Variants in DNAH5 observed in about 807,000 individuals in gnomAD.
The protein encoded by DNAH5 is dynein axonemal heavy chain 5.
A neutral mutation model predicts 518.2 loss-of-function variants in DNAH5; 372 were observed. That is an observed-to-expected ratio of 0.72 (90% CI 0.66 to 0.78). The LOEUF is 0.78. Among genes scored for constraint, DNAH5 ranks in the 30% least tolerant of loss-of-function variants. DNAH5 has a pLI of 0.00. For synonymous variants in DNAH5, 2,039 were observed against 2,025.9 expected (o/e 1.01, Z -0.17); for missense variants, 5,523 against 5,687.0 (o/e 0.97, Z 0.93).
upstream of DNAH5, among the ~76,000 whole-genome samples, chr5:13,948,902 G>A (rs537982041): frequency 6.6e-6 from 1 of 152,276 alleles, no homozygotes; most frequent in Non-Finnish European, 1.5e-5. Context: ...AAACTCGCAA[G>A]CTGAATAAAA....
rs760869074 is a variant in DNAH5 at position 13,844,977 on chromosome 5, G to T, written c.5131C>A (p.Arg1711=). The T allele has an allele frequency of 1.9e-6, 3 of 1,613,998 alleles. No individual in the cohort carries two copies. The highest frequency in any genetic ancestry group is 2.5e-6 in the Non-Finnish European group (3 of 1,179,938). Residue 1711 remains arginine (R), a synonymous_variant, in exon 32 of 79, where the codon CGA becomes AGA. Transcript: ENST00000265104. ...KSLTGYLEKK[R]LCFPRFFFVS... ...AAGAAAAACCGAGGAAAGCACAGTC[G>T]TTTTTTCTCCAAGTACCTACAAGGA...
chr5:13,989,644 C>T (rs1433204051), intron 1 of DNAH5, among the ~76,000 whole-genome samples: 5 of 151,968 alleles, frequency 3.3e-5, no homozygotes, highest in Non-Finnish European at 5.9e-5. Flanking sequence ...CCATCACACC[C>T]GGCTAATTTT....
intron 52 of DNAH5, among the ~76,000 whole-genome samples, chr5:13,781,529 T>C (rs1910090): frequency 0.33 from 48,853 of 148,290 alleles, 8,442 homozygotes; most frequent in South Asian, 0.47. Flanking sequence ...GGGGACCTGG[T>C]GGGAGATAAT....
At chr5:13,761,331 C>G (rs527738693) in intron 60 of DNAH5, among the ~76,000 whole-genome samples, 10 of 152,156 alleles carry the variant, frequency 6.6e-5, no homozygotes, top group Non-Finnish European at 1.5e-4. Flanking sequence ...CAGTGGCTCA[C>G]GCCTGTAATC....
intron 31 of DNAH5, among the ~76,000 whole-genome samples, chr5:13,848,849 C>A (rs548663987): frequency 1.4e-4 from 22 of 152,190 alleles, no homozygotes; most frequent in Non-Finnish European, 2.9e-4. Context: ...CACTCACCTG[C>A]TACTCACCTT....
At chr5:13,783,168 G>T (rs1314966151) in intron 52 of DNAH5, among the ~76,000 whole-genome samples, 1 of 152,198 alleles carries the variant, frequency 6.6e-6, no homozygotes, top group Non-Finnish European at 1.5e-5. Context: ...CATGAGCTGA[G>T]CTACCTTTAA....
At chr5:13,753,644 T>C in intron 62 of DNAH5, 95 bp from the exon 63 acceptor site, 4 of 1,130,796 alleles carry the variant, frequency 3.5e-6, no homozygotes, top group Middle Eastern at 4.4e-4. Context: ...AGACAATAAT[T>C]CTTTTAAACT....
At chr5:13,963,090 C>T (rs947628301) in intron 1 of DNAH5, among the ~76,000 whole-genome samples, 18 of 152,010 alleles carry the variant, frequency 1.2e-4, no homozygotes, top group Admixed American at 5.9e-4. Context: ...TGCTTGGATC[C>T]GCTAGAGCTC....
At chr5:13,820,520 C>T in intron 40 of DNAH5, 21 bp from the exon 41 acceptor site, 2 of 1,613,182 alleles carry the variant, frequency 1.2e-6, no homozygotes, top group Non-Finnish European at 1.7e-6. Flanking sequence ...AAGAGAATCC[C>T]CACATTGAAA....
chr5:13,726,840 C>T (rs984056624), intron 70 of DNAH5, among the ~76,000 whole-genome samples: 2 of 152,180 alleles, frequency 1.3e-5, no homozygotes, highest in Admixed American at 6.5e-5. Flanking sequence ...TTTGGAAAAG[C>T]CCTTAAGGAG....
At chr5:13,799,103 T>A (rs942906211) in intron 47 of DNAH5, among the ~76,000 whole-genome samples, 7 of 152,012 alleles carry the variant, frequency 4.6e-5, no homozygotes, top group South Asian at 2.1e-4. Context: ...AATGTGAAAA[T>A]TTTTCACTAT....
intron 12 of DNAH5, among the ~76,000 whole-genome samples, chr5:13,903,177 C>T (rs556652876): frequency 5.9e-5 from 9 of 151,950 alleles, no homozygotes; most frequent in East Asian, 1.9e-4. Context: ...AAAATTTAGA[C>T]GTATAAAGGG....
At position 13,917,149 on chromosome 5, in the gene DNAH5, A is replaced by G. The variant is rs1776731628; in HGVS notation, c.1083T>C (p.Ser361=). 1 of 1,611,758 alleles carries G rather than the reference A, an allele frequency of 6.2e-7. No individual in the cohort carries two copies. The highest frequency in any genetic ancestry group is 2.2e-5 in the East Asian group (1 of 44,826). Residue 361 remains serine, a synonymous_variant, in exon 8 of 79, where the codon AGT becomes AGC. Coordinates refer to ENST00000265104, the MANE Select transcript of DNAH5 (RefSeq NM_001369.3). The part of the protein sequence containing the change: ...LEKCCDPLYS[S]DPLSMMDAIP... ...GTAGAAATCCTTAACTCACGGGATC[A>G]CTGCTGTACAAAGGGTCACAACATT...
Position 13,717,504 on chromosome 5 carries a change from C to A in DNAH5, c.12516G>T (p.Leu4172=), listed in dbSNP as rs747309196. 1.2e-5 allele frequency: 19 copies of A among 1,614,142 alleles called. No individual in the cohort carries two copies. The highest frequency in any genetic ancestry group is 1.6e-5 in the Non-Finnish European group (19 of 1,180,014). Reference sequence around the variant, plus strand: ...ACTGGGACCCAGAGCTCACGTCCAGCAGGTCTTGGCTGACACCTGTTGTGG... The same window carrying A: ...ACTGGGACCCAGAGCTCACGTCCAGAAGGTCTTGGCTGACACCTGTTGTGG... ...KRTYSGVSQD[L]LDVSSGSQWK... Residue 4172 remains leucine, a synonymous_variant, in exon 73 of 79, where the codon CTG becomes CTT. Transcript: ENST00000265104.
chr5:13,734,614 C>T (rs2126603660), intron 68 of DNAH5, among the ~76,000 whole-genome samples: 1 of 152,156 alleles, frequency 6.6e-6, no homozygotes, highest in East Asian at 1.9e-4. Flanking sequence ...CTGATGCCAT[C>T]CCTTCTGCTT....
chr5:13,755,177 T>G (rs1256497883), intron 61 of DNAH5, among the ~76,000 whole-genome samples: 1 of 152,134 alleles, frequency 6.6e-6, no homozygotes, highest in Non-Finnish European at 1.5e-5. Flanking sequence ...CAACAATTGC[T>G]TATTCTACTT....
intron 52 of DNAH5, among the ~76,000 whole-genome samples, chr5:13,781,742 T>C (rs1052250515): frequency 3.3e-5 from 5 of 152,116 alleles, no homozygotes; most frequent in African/African-American, 9.7e-5. Context: ...ATTAAACCTT[T>C]TCCTTCCCAG....
At position 13,923,266 on chromosome 5, in the gene DNAH5, C is replaced by T; in HGVS notation, c.438+14G>A. ...TTTGGTAATTCAGAGTAAACAATGG[C>T]TCTTGCCCCTTACCTGGTGGATGTT... On this transcript the variant is annotated intron_variant, in intron 4 of 78. Coordinates refer to ENST00000265104, the MANE Select transcript of DNAH5 (RefSeq NM_001369.3). 6.2e-7 allele frequency: 1 copy of T among 1,614,082 alleles called. No homozygotes were observed. Among genetic ancestry groups the T allele is most frequent in the Non-Finnish European group, 8.5e-7 (1 of 1,179,960 alleles).
At position 13,919,268 on chromosome 5, in the gene DNAH5, A is replaced by C. The variant is rs1776994516; in HGVS notation, c.883T>G (p.Ser295Ala). 1 of 1,614,124 alleles carries C rather than the reference A, an allele frequency of 6.2e-7. No individual in the cohort carries two copies. Among genetic ancestry groups the C allele is most frequent in the African/African-American group, 1.3e-5 (1 of 75,024 alleles). ...TGTTCCAAAAGGTAGTTAAACTTGG[A>C]GAGTCTTTTTTTCCAGTGCTCCAGC... ...AELEHWKKRL[S>A]KFNYLLEQLK... is the part of the protein sequence containing the mutation. The change falls in exon 7 of 79, where the codon TCC (serine) becomes GCC (alanine). Residue 295 changes from serine to alanine, a missense_variant. By Grantham distance (99) the Ser-to-Ala change is moderately conservative. This residue lies in a region of DNAH5 where 5,121 missense variants were observed against 5,223.3 expected (regional missense o/e 0.98). Coordinates refer to ENST00000265104, the MANE Select transcript of DNAH5 (RefSeq NM_001369.3).
Sources: gnomAD v4.1 joint callset for allele counts (sites outside exome capture counted in the v4.1 genomes callset) on GRCh38, gnomAD v4.1.1 for gene constraint, gnomAD v4.1.1 regional missense constraint, MANE v1.5 for transcripts, NCBI Gene and HGNC (gene_info 2026-07-23, HGNC 2026-07-21) for gene names.